Variants in MTF2 observed in about 807,000 individuals in gnomAD.
MTF2 encodes metal response element binding transcription factor 2, also known as metal-response element-binding transcription factor 2.
In MTF2, 11 loss-of-function variants were observed where a neutral mutation model predicts 79.5. The observed-to-expected ratio is 0.14, with a 90% CI of 0.09 to 0.23. The LOEUF is 0.23. MTF2 is among the 10% of genes least tolerant of loss of function. The pLI, the probability that MTF2 is intolerant of heterozygous loss-of-function variation, is 1.00. For missense variants in MTF2, 486 were observed against 711.2 expected, an observed-to-expected ratio of 0.68 and a Z score of 3.60; for synonymous variants, 208 against 232.8, an observed-to-expected ratio of 0.89 and a Z score of 0.97.
At chr1:93,094,751 C>G (rs747233223) in intron 1 of MTF2, among the ~76,000 whole-genome samples, 1 of 152,140 alleles carries the variant, frequency 6.6e-6, no homozygotes, top group Non-Finnish European at 1.5e-5. Flanking sequence ...TAATGTTTCT[C>G]TTGCTGTGCT....
chr1:93,115,254 A>G (rs887392022), intron 5 of MTF2, among the ~76,000 whole-genome samples, 166 bp downstream of exon 5: 2 of 152,204 alleles, frequency 1.3e-5, no homozygotes, highest in Admixed American at 6.5e-5. Context: ...CTTTTTAATG[A>G]TGCTTTCACT....
At chr1:93,128,482 G>A (rs775188427) in intron 10 of MTF2, among the ~76,000 whole-genome samples, 15 of 150,756 alleles carry the variant, frequency 9.9e-5, no homozygotes, top group Admixed American at 4.0e-4. Flanking sequence ...GCTTGAACCC[G>A]GGAGGTAGAA....
At chr1:93,116,443 T>A (rs1656251029) in intron 6 of MTF2, among the ~76,000 whole-genome samples, 1 of 152,014 alleles carries the variant, frequency 6.6e-6, no homozygotes, top group African/African-American at 2.4e-5. Context: ...AACGTTTGAT[T>A]TAAATTTAGA....
intron 9 of MTF2, among the ~76,000 whole-genome samples, chr1:93,124,198 T>TGA (rs1407456990): frequency 6.6e-6 from 1 of 152,084 alleles, no homozygotes; most frequent in Non-Finnish European, 1.5e-5. Flanking sequence ...TGGTACCTAA[T>TGA]GATTATCATA....
chr1:93,120,534 A>G lies in MTF2; in HGVS notation c.798-15A>G. 6.4e-7 allele frequency: 1 copy of G among 1,557,032 alleles called. No individual in the cohort carries two copies. The highest frequency in any genetic ancestry group is 1.2e-5 in the South Asian group (1 of 82,266). ...AAAACATTGTTTTGTGTATTTGATTATTTTCGGATTCCAGGGTAGATATAG... is the reference window on the plus strand; with the variant it reads ...AAAACATTGTTTTGTGTATTTGATTGTTTTCGGATTCCAGGGTAGATATAG... On this transcript the variant is annotated splice_polypyrimidine_tract_variant and intron_variant, in intron 8 of 14. Coordinates refer to ENST00000370298, the MANE Select transcript of MTF2 (RefSeq NM_007358.4).
chr1:93,125,914 G>T (rs1382646637), intron 9 of MTF2, among the ~76,000 whole-genome samples: 1 of 152,048 alleles, frequency 6.6e-6, no homozygotes, highest in East Asian at 1.9e-4. Flanking sequence ...TTTTTAGTTG[G>T]TGCCTTATCA....
chr1:93,131,089 T>A (rs1656899576), intron 11 of MTF2, among the ~76,000 whole-genome samples: 1 of 151,928 alleles, frequency 6.6e-6, no homozygotes, highest in Non-Finnish European at 1.5e-5. Context: ...GCTATGAGAA[T>A]GAGTGAAATT....
chr1:93,090,711 T>C (rs1428017349), intron 1 of MTF2, among the ~76,000 whole-genome samples: 2 of 150,998 alleles, frequency 1.3e-5, no homozygotes, highest in Non-Finnish European at 3.0e-5. Flanking sequence ...TTACCCAGGC[T>C]GGAATGCAGT....
intron 8 of MTF2, chr1:93,119,796 A>G (rs1452891334): frequency 6.3e-6 from 1 of 159,180 alleles, no homozygotes; most frequent in Non-Finnish European, 1.4e-5. Flanking sequence ...TACTAATAAA[A>G]TGCTTACAGT....
intron 1 of MTF2, among the ~76,000 whole-genome samples, chr1:93,106,388 A>G (rs1281896739): frequency 6.6e-6 from 1 of 151,910 alleles, no homozygotes; most frequent in African/African-American, 2.4e-5. Flanking sequence ...TCTAGGTCTT[A>G]ACGCAGACCT....
At chr1:93,109,015 T>C (rs530470526) in intron 1 of MTF2, among the ~76,000 whole-genome samples, 1 of 152,326 alleles carries the variant, frequency 6.6e-6, no homozygotes, top group South Asian at 2.1e-4. Flanking sequence ...TATTTTTAGA[T>C]ATTGAAGTTA....
At chr1:93,099,975 T>A (rs1399741895) in intron 1 of MTF2, among the ~76,000 whole-genome samples, 1 of 152,190 alleles carries the variant, frequency 6.6e-6, no homozygotes, top group South Asian at 2.1e-4. Context: ...CTTACTGATT[T>A]AATGAAAATA....
In MTF2 at chr1:93,120,529, T is replaced by C; in HGVS notation, c.798-20T>C. The C allele has an allele frequency of 6.4e-7, 1 of 1,553,932 alleles. No homozygotes were observed. Among genetic ancestry groups the C allele is most frequent in the Non-Finnish European group, 8.7e-7 (1 of 1,155,278 alleles). ...AACCAAAAACATTGTTTTGTGTATT[T>C]GATTATTTTCGGATTCCAGGGTAGA... On this transcript the variant is annotated intron_variant, in intron 8 of 14. Coordinates refer to ENST00000370298, the MANE Select transcript of MTF2 (RefSeq NM_007358.4).
At chr1:93,089,967 C>T (rs145791360) in intron 1 of MTF2, among the ~76,000 whole-genome samples, 118 of 151,970 alleles carry the variant, frequency 7.8e-4, no homozygotes, top group Middle Eastern at 3.4e-3. Context: ...TGTGCACCAC[C>T]ACACCTGGCT....
chr1:93,133,048 T>G (rs1266969920), intron 11 of MTF2, among the ~76,000 whole-genome samples: 1 of 152,094 alleles, frequency 6.6e-6, no homozygotes, highest in Non-Finnish European at 1.5e-5. Flanking sequence ...TATTGCTTGG[T>G]ATTTGGCTTT....
At chr1:93,105,143 C>CAAAAA (rs11372021) in intron 1 of MTF2, among the ~76,000 whole-genome samples, 21 of 110,414 alleles carry the variant, frequency 1.9e-4, no homozygotes, top group Non-Finnish European at 3.0e-4. Flanking sequence ...GACTCCGTCT[C>CAAAAA]AAAAAAAAAA....
At chr1:93,085,087 G>T (rs1264937633) in intron 1 of MTF2, among the ~76,000 whole-genome samples, 1 of 152,046 alleles carries the variant, frequency 6.6e-6, no homozygotes, top group African/African-American at 2.4e-5. Flanking sequence ...AGGGTAGTTT[G>T]TGAAGTGCTT....
intron 1 of MTF2, among the ~76,000 whole-genome samples, chr1:93,085,031 T>C (rs1654777875): frequency 6.6e-6 from 1 of 152,188 alleles, no homozygotes; most frequent in African/African-American, 2.4e-5. Context: ...GTTCTGAGGA[T>C]TTTTTGATAG....
At chr1:93,131,832 A>G (rs1316790651) in intron 11 of MTF2, among the ~76,000 whole-genome samples, 1 of 152,220 alleles carries the variant, frequency 6.6e-6, no homozygotes, top group Non-Finnish European at 1.5e-5. Context: ...GGCCTTTTCT[A>G]GAAGGAGAAG....
Sources: gnomAD v4.1 joint callset for allele counts (sites outside exome capture counted in the v4.1 genomes callset) on GRCh38, gnomAD v4.1.1 for gene constraint, MANE v1.5 for transcripts, NCBI Gene and HGNC (gene_info 2026-07-23, HGNC 2026-07-21) for gene names.